The following FGF1 variants were observed in gnomAD, a reference collection of about 807,000 sequenced individuals.
FGF1 encodes fibroblast growth factor 1.
Under a neutral mutation model 13.4 loss-of-function variants are expected in FGF1, and 9 were observed. That is an observed-to-expected ratio of 0.67 (90% confidence interval 0.40 to 1.17). The LOEUF (loss-of-function observed/expected upper bound fraction) is 1.17, where lower values mean the gene tolerates loss of function less well. Among genes scored for constraint, FGF1 ranks in the 50% most tolerant of loss-of-function variants. The pLI, the probability that FGF1 is intolerant of heterozygous loss-of-function variation, is 0.01. For missense variants in FGF1, 156 were observed against 192.7 expected, an observed-to-expected ratio of 0.81 and a Z score of 1.13; for synonymous variants, 93 against 79.0, an observed-to-expected ratio of 1.18 and a Z score of -0.94.
chr5:142,653,997 C>A (rs1767727093), intron 1 of FGF1, among the ~76,000 whole-genome samples: 1 of 152,176 alleles, frequency 6.6e-6, no homozygotes, highest in South Asian at 2.1e-4. Context: ...GAGGCTGAGG[C>A]TGGATAATTG....
At position 142,594,499 on chromosome 5, in the gene FGF1, C is replaced by T. The variant is rs1754856849; in HGVS notation, c.*791G>A. The T allele has an allele frequency of 6.6e-6, 1 of 152,296 alleles. No homozygotes were observed. Among genetic ancestry groups the T allele is most frequent in the South Asian group, 2.1e-4 (1 of 4,828 alleles). 9.4% of individuals were successfully genotyped at this position (152,296 alleles called of 1,614,324 possible). ...GTTTCCCTTTCTTTCTCTGCACTCC[C>T]ACACTCAGTCCCCAGATCCACATGA... On this transcript the variant is annotated 3_prime_UTR_variant, in exon 4 of 4. Transcript: ENST00000337706.
intron 1 of FGF1, among the ~76,000 whole-genome samples, chr5:142,673,959 C>T (rs1313534754): frequency 6.6e-6 from 1 of 152,192 alleles, no homozygotes; most frequent in Non-Finnish European, 1.5e-5. Flanking sequence ...TGACTACTTT[C>T]CTCCAGAACC....
intron 1 of FGF1, among the ~76,000 whole-genome samples, chr5:142,661,593 T>C (rs1460299585): frequency 6.6e-6 from 1 of 152,188 alleles, no homozygotes; most frequent in African/African-American, 2.4e-5. Context: ...GATGAGTGGA[T>C]AAGCAAAAGG....
intron 1 of FGF1, among the ~76,000 whole-genome samples, chr5:142,658,105 C>T (rs576020131): frequency 2.3e-4 from 35 of 152,322 alleles, no homozygotes; most frequent in African/African-American, 7.2e-4. Flanking sequence ...CTTCCATTGC[C>T]TTTGCTTAAT....
chr5:142,660,927 C>A (rs961244880), intron 1 of FGF1, among the ~76,000 whole-genome samples: 1 of 152,184 alleles, frequency 6.6e-6, no homozygotes, highest in Non-Finnish European at 1.5e-5. Context: ...TCTCTGGCTC[C>A]AGGCAACAGG....
upstream of FGF1, among the ~76,000 whole-genome samples, chr5:142,689,543 A>G (rs570892385): frequency 1.3e-5 from 2 of 152,178 alleles, no homozygotes; most frequent in African/African-American, 2.4e-5. Context: ...CTGAAATCCA[A>G]TCATATGCGC....
chr5:142,664,585 A>G (rs1769935045), intron 1 of FGF1, among the ~76,000 whole-genome samples: 1 of 152,272 alleles, frequency 6.6e-6, no homozygotes, highest in South Asian at 2.1e-4. Context: ...TGGTACATGA[A>G]GTGACGGTCT....
intron 1 of FGF1, among the ~76,000 whole-genome samples, chr5:142,640,960 A>G (rs1038327715): frequency 3.3e-5 from 5 of 151,758 alleles, no homozygotes; most frequent in African/African-American, 1.2e-4. Context: ...TGCTCGGTGA[A>G]TATCTGTTGG....
intron 1 of FGF1, among the ~76,000 whole-genome samples, chr5:142,661,796 G>A (rs10067019): frequency 2.6e-5 from 4 of 151,880 alleles, no homozygotes; most frequent in African/African-American, 9.7e-5. Flanking sequence ...GAGGTCAGGA[G>A]ATTGAGACCA....
At chr5:142,649,269 A>C (rs1766766825) in intron 1 of FGF1, among the ~76,000 whole-genome samples, 1 of 152,188 alleles carries the variant, frequency 6.6e-6, no homozygotes, top group Non-Finnish European at 1.5e-5. Flanking sequence ...ATGGTTCTGC[A>C]ATTTGCCTTC....
At chr5:142,610,058 G>A (rs1758725298) in intron 2 of FGF1, among the ~76,000 whole-genome samples, 2 of 152,168 alleles carry the variant, frequency 1.3e-5, no homozygotes, top group Admixed American at 1.3e-4. Context: ...AGATGTGGTT[G>A]GTGCCAAGCC....
chr5:142,595,202 G>A lies in FGF1; in HGVS notation c.*88C>T. ...GCTCTGTGGGCTGGGGGTTAGCGCA[G>A]CCAATGGTCAAGGGAACATTTTTGG... On this transcript the variant is annotated 3_prime_UTR_variant, in exon 4 of 4. Transcript: ENST00000337706. 1 of 1,112,928 alleles carries A rather than the reference G, an allele frequency of 9.0e-7. No homozygotes were observed. The highest frequency in any genetic ancestry group is 1.5e-5 in the South Asian group (1 of 66,164). The allele number at this position is 1,112,928 out of a possible 1,614,324, so 68.9% of individuals were successfully genotyped here. A position where few individuals can be genotyped will look rare whatever the true frequency, so the allele number is the denominator to read the frequency against.
chr5:142,629,903 T>TTC (rs1174786103), intron 1 of FGF1, among the ~76,000 whole-genome samples: 13 of 146,622 alleles, frequency 8.9e-5, no homozygotes, highest in African/African-American at 3.0e-4. Flanking sequence ...ATATTTTTTT[T>TTC]TTTTCTTTGA....
chr5:142,605,082 C>T lies in FGF1; in HGVS notation c.170-4277G>A, dbSNP rs973133063. On this transcript the variant is annotated intron_variant, in intron 2 of 3. Transcript: ENST00000337706. ...CAAAGGGGAGGTCTTTTTAGGTAAT[C>T]AAGGAAGTTTTTTTTGTTTGTTTGT... 2.0e-5 allele frequency among the ~76,000 whole-genome samples: 3 copies of T among 151,880 alleles called. No individual in the cohort carries two copies. In the South Asian group the frequency reaches 6.2e-4, roughly 32 times the overall value.
At chr5:142,602,650 C>A (rs970743061) in intron 2 of FGF1, among the ~76,000 whole-genome samples, 1 of 151,818 alleles carries the variant, frequency 6.6e-6, no homozygotes, top group Non-Finnish European at 1.5e-5. Flanking sequence ...AGCTTGTGTG[C>A]GTATATTGCA....
chr5:142,686,249 A>C (rs1297342864), upstream of FGF1: 3 of 152,418 alleles, frequency 2.0e-5, no homozygotes, highest in East Asian at 5.8e-4. Flanking sequence ...CTCTAGGTCT[A>C]TCTCCGGTCC....
intron 1 of FGF1, among the ~76,000 whole-genome samples, chr5:142,667,615 C>T (rs2152019094): frequency 6.6e-6 from 1 of 150,496 alleles, no homozygotes; most frequent in East Asian, 2.0e-4. Flanking sequence ...GAAAGAAATA[C>T]AGCAAGGAAA....
intron 1 of FGF1, among the ~76,000 whole-genome samples, chr5:142,629,901 T>A (rs1465729957): frequency 2.1e-5 from 3 of 144,602 alleles, no homozygotes; most frequent in African/African-American, 7.7e-5. Flanking sequence ...ATATATTTTT[T>A]TTTTTTCTTT....
chr5:142,687,834 C>T (rs1016240962), upstream of FGF1, among the ~76,000 whole-genome samples: 1 of 152,170 alleles, frequency 6.6e-6, no homozygotes, highest in African/African-American at 2.4e-5. Flanking sequence ...TTAGGTTAAC[C>T]CCGTGTTAAC....
Sources: allele counts gnomAD v4.1 joint callset (sites outside exome capture counted in the v4.1 genomes callset), GRCh38; gene constraint gnomAD v4.1.1; transcripts MANE v1.5; gene names NCBI Gene and HGNC (gene_info 2026-07-23, HGNC 2026-07-21).